Variants in FSD1L observed in about 807,000 individuals in gnomAD.
The protein encoded by FSD1L is fibronectin type III and SPRY domain containing 1 like, also known as FSD1-like protein.
Under a neutral mutation model 71.6 loss-of-function variants are expected in FSD1L, and 45 were observed. The observed-to-expected ratio is 0.63, with a 90% CI of 0.49 to 0.81. The LOEUF is 0.81. FSD1L is among the 30% of genes least tolerant of loss of function. FSD1L has a pLI of 0.00. For missense variants in FSD1L, 561 were observed against 618.1 expected, an observed-to-expected ratio of 0.91 and a Z score of 0.98; for synonymous variants, 197 against 207.2, an observed-to-expected ratio of 0.95 and a Z score of 0.42.
chr9:105,494,976 G>C (rs997672359), intron 7 of FSD1L, among the ~76,000 whole-genome samples: 10 of 152,306 alleles, frequency 6.6e-5, no homozygotes, highest in African/African-American at 2.2e-4. Context: ...TGAGGAGGCT[G>C]TCTGCCTGTT....
chr9:105,520,364 A>G, intron 10 of FSD1L: 1 of 1,219,228 alleles, frequency 8.2e-7, no homozygotes, highest in East Asian at 2.3e-5. Context: ...TGAAAAAAAG[A>G]ATGCAGAATC....
intron 10 of FSD1L, chr9:105,530,728 C>A: frequency 2.0e-6 from 1 of 501,950 alleles, no homozygotes; most frequent in East Asian, 3.3e-5. Context: ...GAAAAAGTTT[C>A]CTGATTGTTT....
intron 8 of FSD1L, 69 bp from the exon 9 acceptor site, chr9:105,508,548 C>T: frequency 1.2e-6 from 1 of 867,944 alleles, no homozygotes. Context: ...CCTGAAGGCT[C>T]ATACTCTTAC....
chr9:105,522,720 C>T (rs1835254239), intron 10 of FSD1L: 2 of 1,605,758 alleles, frequency 1.2e-6, no homozygotes, highest in African/African-American at 1.3e-5. Flanking sequence ...AAAACTGCCT[C>T]CTCTTAATAG....
At chr9:105,525,965 T>C (rs1835480899) in intron 10 of FSD1L, 26 of 1,569,850 alleles carry the variant, frequency 1.7e-5, no homozygotes, top group Non-Finnish European at 2.3e-5. Context: ...AATGATGAAG[T>C]GCACATTGTT....
intron 7 of FSD1L, among the ~76,000 whole-genome samples, chr9:105,496,924 G>T (rs376396708): frequency 6.6e-6 from 1 of 152,200 alleles, no homozygotes; most frequent in African/African-American, 2.4e-5. Flanking sequence ...GAAAGAGGGG[G>T]ATCCTTGCCT....
intron 7 of FSD1L, among the ~76,000 whole-genome samples, chr9:105,493,519 A>G (rs1489329486): frequency 1.3e-5 from 2 of 152,134 alleles, no homozygotes; most frequent in East Asian, 3.9e-4. Flanking sequence ...TAATATTGTT[A>G]TGTGTGAATT....
At chr9:105,499,639 T>TA (rs1833646936) in intron 7 of FSD1L, among the ~76,000 whole-genome samples, 1 of 151,902 alleles carries the variant, frequency 6.6e-6, no homozygotes, top group African/African-American at 2.4e-5. Flanking sequence ...TATGCCTAGA[T>TA]ACAGTTTTTG....
At chr9:105,536,523 C>T (rs1054516966) in intron 12 of FSD1L, among the ~76,000 whole-genome samples, 6 of 152,200 alleles carry the variant, frequency 3.9e-5, no homozygotes, top group Admixed American at 2.6e-4. Flanking sequence ...CTTAGCACTG[C>T]TGATCAATAT....
intron 5 of FSD1L, among the ~76,000 whole-genome samples, chr9:105,474,481 T>C (rs1831666916): frequency 6.6e-6 from 1 of 152,218 alleles, no homozygotes; most frequent in African/African-American, 2.4e-5. Flanking sequence ...AGATAATAAT[T>C]TGATTTCAAG....
Position 105,508,678 on chromosome 9 carries a change from T to C in FSD1L, c.858T>C (p.Ala286=). 1 of 1,551,276 alleles carries C rather than the reference T, an allele frequency of 6.4e-7. No homozygotes were observed. Among genetic ancestry groups the C allele is most frequent in the Non-Finnish European group, 8.7e-7 (1 of 1,146,384 alleles). ...FRVRACNKAV[A]GEYSDPVTLE... ...TGCGAGCTTGTAACAAGGCTGTGGC[T>C]GGAGAGTATTCTGATCCAGTGACTC... Residue 286 remains alanine (A), a synonymous_variant, in exon 9 of 14, where the codon GCT becomes GCC. Transcript: ENST00000481272.
intron 6 of FSD1L, among the ~76,000 whole-genome samples, chr9:105,480,457 A>G (rs1832097388): frequency 6.6e-6 from 1 of 151,928 alleles, no homozygotes; most frequent in Non-Finnish European, 1.5e-5. Flanking sequence ...ACACCCAGCT[A>G]ATTTTTGTAT....
intron 11 of FSD1L, 67 bp downstream of exon 11, chr9:105,534,660 T>G: frequency 2.2e-6 from 2 of 910,772 alleles, no homozygotes; most frequent in Non-Finnish European, 3.4e-6. Flanking sequence ...CTGGTGGACT[T>G]TCCACTCAAA....
At chr9:105,519,212 T>A (rs1283541545) in intron 10 of FSD1L, among the ~76,000 whole-genome samples, 1 of 152,176 alleles carries the variant, frequency 6.6e-6, no homozygotes, top group Non-Finnish European at 1.5e-5. Context: ...CACAGCCAAA[T>A]TCTACCAGAG....
At chr9:105,512,667 C>G (rs1834463710) in intron 9 of FSD1L, 140 bp from the exon 10 acceptor site, 1 of 443,422 alleles carries the variant, frequency 2.3e-6, no homozygotes, top group Admixed American at 4.0e-5. Flanking sequence ...ACTTTAAGTG[C>G]TAGGATTATG....
intron 7 of FSD1L, among the ~76,000 whole-genome samples, chr9:105,498,796 A>G (rs1465277629): frequency 6.6e-6 from 1 of 152,000 alleles, no homozygotes; most frequent in Admixed American, 6.6e-5. Flanking sequence ...TGTGGTTTTT[A>G]TATTTTTAGT....
intron 1 of FSD1L, among the ~76,000 whole-genome samples, chr9:105,459,538 C>T (rs1159615108): frequency 1.3e-5 from 2 of 152,210 alleles, no homozygotes; most frequent in Non-Finnish European, 2.9e-5. Flanking sequence ...TGGATCAGAG[C>T]TTCTGGAGCC....
intron 7 of FSD1L, among the ~76,000 whole-genome samples, chr9:105,487,820 A>G (rs1354266970): frequency 6.6e-6 from 1 of 152,204 alleles, no homozygotes; most frequent in Non-Finnish European, 1.5e-5. Context: ...CTATTGCAAG[A>G]TTGTAAAAAT....
intron 10 of FSD1L, chr9:105,525,787 A>C: frequency 6.2e-7 from 1 of 1,606,888 alleles, no homozygotes; most frequent in South Asian, 1.1e-5. Context: ...TTTGGAGGTA[A>C]ATCTTACAAA....
Sources: allele counts gnomAD v4.1 joint callset (sites outside exome capture counted in the v4.1 genomes callset), GRCh38; gene constraint gnomAD v4.1.1; transcripts MANE v1.5; gene names NCBI Gene and HGNC (gene_info 2026-07-23, HGNC 2026-07-21).